LRRC37A2: variants seen among roughly 807,000 people sequenced by gnomAD.
The protein encoded by LRRC37A2 is leucine rich repeat containing 37 member A2, also known as leucine-rich repeat-containing protein 37A2.
LRRC37A2 carries 9 observed loss-of-function variants against 68.8 expected under a neutral mutation model. The observed-to-expected ratio is 0.13, with a 90% CI of 0.08 to 0.23. The LOEUF (loss-of-function observed/expected upper bound fraction) is 0.23, where lower values mean the gene tolerates loss of function less well. Ranked by LOEUF, LRRC37A2 falls within the 10% of genes least tolerant of loss-of-function variation. LRRC37A2 has a pLI of 1.00. For synonymous variants in LRRC37A2, 63 were observed against 367.6 expected, an observed-to-expected ratio of 0.17 and a Z score of 9.48; for missense variants, 168 against 950.4, an observed-to-expected ratio of 0.18 and a Z score of 10.82.
At chr17:47,018,037 T>C in the LRRC37A2 span, 151 of 1,505,522 alleles carry the variant, frequency 1.0e-4, 1 homozygote, top group African/African-American at 1.4e-5. Flanking sequence ...GAGGTGTCAG[T>C]TCAACCTCCA....
chr17:46,973,815 G>A, the LRRC37A2 span, among the ~76,000 whole-genome samples: 343 of 145,588 alleles, frequency 2.4e-3, 1 homozygote, highest in Non-Finnish European at 3.9e-3. Context: ...GTGCATGCGT[G>A]CGACACATGT....
the LRRC37A2 span, among the ~76,000 whole-genome samples, chr17:46,850,840 C>G: frequency 6.6e-6 from 1 of 152,242 alleles, no homozygotes; most frequent in African/African-American, 2.4e-5. Flanking sequence ...TGGGTCCCTC[C>G]TCCCGCAGGG....
chr17:46,933,941 CAA>C, the LRRC37A2 span, among the ~76,000 whole-genome samples: 45,615 of 144,300 alleles, frequency 0.32, 7,191 homozygotes, highest in South Asian at 0.46. Context: ...GAGCCTGTCT[CAA>C]AAAAAAAAAA....
At chr17:46,823,478 G>T in the LRRC37A2 span, among the ~76,000 whole-genome samples, 1 of 151,584 alleles carries the variant, frequency 6.6e-6, no homozygotes, top group Non-Finnish European at 1.5e-5. Context: ...TCACTGTGTC[G>T]CCCAGGCTGG....
chr17:46,839,941 T>TC, the LRRC37A2 span, among the ~76,000 whole-genome samples: 17 of 149,386 alleles, frequency 1.1e-4, no homozygotes, highest in African/African-American at 4.2e-4. Context: ...TCTTTCTTTC[T>TC]TTCTTTCTTT....
the LRRC37A2 span, among the ~76,000 whole-genome samples, chr17:46,843,215 G>A: frequency 6.6e-6 from 1 of 152,240 alleles, no homozygotes; most frequent in Non-Finnish European, 1.5e-5. Flanking sequence ...AGATTGGAAA[G>A]GCTTAACTAG....
At chr17:46,971,194 A>T in the LRRC37A2 span, among the ~76,000 whole-genome samples, 1 of 152,214 alleles carries the variant, frequency 6.6e-6, no homozygotes, top group East Asian at 1.9e-4. Context: ...AAAATGAGCC[A>T]GGCATGGTGG....
chr17:46,849,246 G>A, the LRRC37A2 span, among the ~76,000 whole-genome samples: 3 of 152,218 alleles, frequency 2.0e-5, 1 homozygote, highest in South Asian at 4.1e-4. Context: ...CGAGTCTTGG[G>A]TGCTTCTTCC....
At chr17:47,045,361 G>A in the LRRC37A2 span, among the ~76,000 whole-genome samples, 8 of 150,166 alleles carry the variant, frequency 5.3e-5, no homozygotes, top group African/African-American at 1.7e-4. Context: ...AATAATTATA[G>A]TTAACTCTTA....
the LRRC37A2 span, chr17:46,755,915 T>C: frequency 7.8e-7 from 1 of 1,289,624 alleles, no homozygotes; most frequent in African/African-American, 1.5e-5. Flanking sequence ...GATACTGGAC[T>C]AAGTGGAACG....
the LRRC37A2 span, among the ~76,000 whole-genome samples, chr17:47,012,999 A>G: frequency 6.6e-6 from 1 of 152,264 alleles, no homozygotes; most frequent in Admixed American, 6.5e-5. Flanking sequence ...AATATGGTCT[A>G]TTCATACAAT....
At chr17:46,768,072 G>C in the LRRC37A2 span, among the ~76,000 whole-genome samples, 1 of 152,332 alleles carries the variant, frequency 6.6e-6, no homozygotes, top group East Asian at 1.9e-4. This position sits in a 1 kb window ranked among gnomAD's most constrained non-coding sequence, Gnocchi z 5.0. Flanking sequence ...ACAGGCGTGA[G>C]CCACCGCACC....
At chr17:46,733,743 G>A in the LRRC37A2 span, among the ~76,000 whole-genome samples, 121 of 152,286 alleles carry the variant, frequency 7.9e-4, no homozygotes, top group Non-Finnish European at 1.4e-3. Context: ...TCAACGATTG[G>A]AAAACTCTTT....
chr17:46,955,452 A>G, the LRRC37A2 span: 1 of 152,156 alleles, frequency 6.6e-6, no homozygotes, highest in South Asian at 2.1e-4. Flanking sequence ...ATCAATGTTC[A>G]TCAAGGATAT....
At chr17:46,829,550 C>T in the LRRC37A2 span, among the ~76,000 whole-genome samples, 2 of 152,202 alleles carry the variant, frequency 1.3e-5, no homozygotes, top group Non-Finnish European at 2.9e-5. Context: ...TCTCAGGTGT[C>T]TAGGAGCCAT....
At chr17:47,030,086 AT>A in the LRRC37A2 span, among the ~76,000 whole-genome samples, 1 of 39,214 alleles carries the variant, frequency 2.6e-5, no homozygotes, top group Admixed American at 3.1e-4. Context: ...AATAATAATA[AT>A]AATCATCATC....
At chr17:46,934,235 C>T in the LRRC37A2 span, among the ~76,000 whole-genome samples, 3 of 141,174 alleles carry the variant, frequency 2.1e-5, no homozygotes, top group African/African-American at 6.1e-5. Flanking sequence ...TATTCTACCT[C>T]TCTGGGCATT....
At chr17:46,472,937 T>TATAG in the LRRC37A2 span, among the ~76,000 whole-genome samples, 512 of 69,234 alleles carry the variant, frequency 7.4e-3, 39 homozygotes, top group African/African-American at 0.023. Context: ...TATATATATA[T>TATAG]ATATATTGTA....
the LRRC37A2 span, among the ~76,000 whole-genome samples, chr17:46,739,727 T>C: frequency 6.9e-6 from 1 of 144,700 alleles, no homozygotes; most frequent in Non-Finnish European, 1.5e-5. Context: ...AGTTCTTTTT[T>C]TCTGATTTTT....
Sources: gnomAD v4.1 joint callset for allele counts (sites outside exome capture counted in the v4.1 genomes callset) on GRCh38, gnomAD v4.1.1 for gene constraint, Gnocchi (gnomAD v3.1) non-coding constraint, MANE v1.5 for transcripts, NCBI Gene and HGNC (gene_info 2026-07-23, HGNC 2026-07-21) for gene names.